Variants in GLYATL3 observed in about 807,000 individuals in gnomAD.
GLYATL3 encodes the protein glycine-N-acyltransferase like 3, also known as glycine N-acyltransferase-like protein 3.
In GLYATL3, 31 loss-of-function variants were observed where a neutral mutation model predicts 28.5. The observed-to-expected ratio is 1.09, with a 90% CI of 0.82 to 1.47. The LOEUF is 1.47. Among genes scored for constraint, GLYATL3 ranks in the 40% most tolerant of loss-of-function variants. GLYATL3 has a pLI of 0.00. For synonymous variants in GLYATL3, 141 were observed against 140.2 expected (o/e 1.01, Z -0.04); for missense variants, 369 against 351.5 (o/e 1.05, Z -0.40).
chr6:49,503,013 A>C (rs1768942051), intron 1 of GLYATL3, among the ~76,000 whole-genome samples: 1 of 152,146 alleles, frequency 6.6e-6, no homozygotes, highest in African/African-American at 2.4e-5. Flanking sequence ...CATCTTTCCT[A>C]CTAATAACAT....
intron 5 of GLYATL3, 127 bp downstream of exon 5, chr6:49,521,898 A>G: frequency 2.6e-6 from 2 of 763,926 alleles, no homozygotes; most frequent in Middle Eastern, 2.5e-4. Context: ...ATTGAGCACA[A>G]ACGGGAGTAT....
At chr6:49,503,348 A>G (rs1208152761) in intron 1 of GLYATL3, among the ~76,000 whole-genome samples, 3 of 152,210 alleles carry the variant, frequency 2.0e-5, no homozygotes, top group African/African-American at 7.2e-5. Flanking sequence ...AAACTCTCAT[A>G]CCAGTCATAT....
At chr6:49,519,057 G>A (rs1769269273) in intron 4 of GLYATL3, among the ~76,000 whole-genome samples, 1 of 152,114 alleles carries the variant, frequency 6.6e-6, no homozygotes, top group Non-Finnish European at 1.5e-5. Context: ...AATGAGACAT[G>A]ATTCTATCAC....
intron 4 of GLYATL3, among the ~76,000 whole-genome samples, chr6:49,519,222 T>C (rs960317087): frequency 6.6e-6 from 1 of 152,192 alleles, no homozygotes; most frequent in Non-Finnish European, 1.5e-5. Flanking sequence ...TCCATCATTA[T>C]ATAGAAAAAA....
At chr6:49,505,166 G>T (rs1237879927) in intron 1 of GLYATL3, among the ~76,000 whole-genome samples, 1 of 152,186 alleles carries the variant, frequency 6.6e-6, no homozygotes, top group African/African-American at 2.4e-5. Context: ...TCAACTTTAT[G>T]ATTACCACTG....
Position 49,517,441 on chromosome 6 carries a change from TA to T in GLYATL3, c.200del (p.Asn67ThrfsTer57). The T allele has an allele frequency of 6.5e-7, 1 of 1,542,854 alleles. No individual in the cohort carries two copies. Among genetic ancestry groups the T allele is most frequent in the Non-Finnish European group, 8.7e-7 (1 of 1,143,058 alleles). ...TRRQREAETD[N>X]LDHYTNAYAV... The stretch of plus-strand genomic sequence containing the variant: ...GTCTTCTGTCCTAGGCTGAGACAGA[TA>T]ACCTTGATCATTATACTAATGCCTA... On this transcript the variant is annotated frameshift_variant, in exon 4 of 6. Coordinates refer to ENST00000371197, the MANE Select transcript of GLYATL3 (RefSeq NM_001010904.2). LOFTEE classifies it high-confidence loss of function.
At chr6:49,514,566 C>A (rs970811162) in intron 2 of GLYATL3, among the ~76,000 whole-genome samples, 14 of 152,318 alleles carry the variant, frequency 9.2e-5, no homozygotes, top group African/African-American at 3.1e-4. Flanking sequence ...TATGGTGGCT[C>A]ATGCCTGTAA....
chr6:49,515,856 G>T, intron 3 of GLYATL3, 96 bp downstream of exon 3: 1 of 679,572 alleles, frequency 1.5e-6, no homozygotes, highest in South Asian at 1.6e-5. Context: ...ATTTACATTA[G>T]CTTACAACAC....
At chr6:49,519,496 A>G (rs1769278286) in intron 4 of GLYATL3, among the ~76,000 whole-genome samples, 1 of 152,188 alleles carries the variant, frequency 6.6e-6, no homozygotes, top group Admixed American at 6.5e-5. Context: ...ATACCTTCTA[A>G]GAAGTCATTG....
At chr6:49,503,554 C>A (rs1440445691) in intron 1 of GLYATL3, among the ~76,000 whole-genome samples, 1 of 152,118 alleles carries the variant, frequency 6.6e-6, no homozygotes, top group Non-Finnish European at 1.5e-5. Flanking sequence ...TCTCTGTGAC[C>A]TTGAGAGCAA....
chr6:49,509,660 G>A (rs888305657), intron 1 of GLYATL3, among the ~76,000 whole-genome samples: 1 of 152,226 alleles, frequency 6.6e-6, no homozygotes, highest in African/African-American at 2.4e-5. Flanking sequence ...TGTGAGTTAG[G>A]AAACCCAGTT....
chr6:49,518,912 G>A (rs1030640943), intron 4 of GLYATL3, among the ~76,000 whole-genome samples: 6 of 151,880 alleles, frequency 4.0e-5, no homozygotes, highest in Admixed American at 3.9e-4. Context: ...CTGCACTCCA[G>A]CCTGGGCGAC....
chr6:49,512,377 G>C (rs1260101061), intron 2 of GLYATL3, among the ~76,000 whole-genome samples: 2 of 147,678 alleles, frequency 1.4e-5, no homozygotes, highest in Non-Finnish European at 3.0e-5. Context: ...GTGGTTTGCT[G>C]CACCTATCAA....
At position 49,512,017 on chromosome 6, in the gene GLYATL3, AT is replaced by A; in HGVS notation, c.29del (p.Leu10TyrfsTer2). 6.6e-7 allele frequency: 1 copy of A among 1,505,390 alleles called. No homozygotes were observed. The highest frequency in any genetic ancestry group is 9.0e-7 in the Non-Finnish European group (1 of 1,107,916). 93.3% of individuals were successfully genotyped at this position (1,505,390 alleles called of 1,614,324 possible). A position where few individuals can be genotyped will look rare whatever the true frequency, so the allele number is the denominator to read the frequency against. ...TGTTGGTGCTAAACTGTTCTACCAA[AT>A]TACTGATACTGGAGAAAATGTTGAA... MLVLNCSTK[L>X]LILEKMLKSC... On this transcript the variant is annotated frameshift_variant, in exon 2 of 6. Coordinates refer to ENST00000371197, the MANE Select transcript of GLYATL3 (RefSeq NM_001010904.2). LOFTEE classifies it high-confidence loss of function.
chr6:49,517,676 T>A (rs1769241532), intron 4 of GLYATL3, 120 bp downstream of exon 4: 2 of 633,478 alleles, frequency 3.2e-6, no homozygotes, highest in East Asian at 6.4e-5. Flanking sequence ...CACACCTGTA[T>A]GTATAAATAC....
At position 49,499,969 on chromosome 6, in the gene GLYATL3, T is replaced by C. The variant is rs1464981310; in HGVS notation, c.-102T>C. 3 of 152,014 alleles carry C rather than the reference T, an allele frequency of 2.0e-5. No homozygotes were observed. Among genetic ancestry groups the C allele is most frequent in the African/African-American group, 4.8e-5 (2 of 41,402 alleles). The allele number at this position is 152,014 out of a possible 1,614,324, so 9.4% of individuals were successfully genotyped here. A position where few individuals can be genotyped will look rare whatever the true frequency, so the allele number is the denominator to read the frequency against. ...GAGAGGTAGCCTTGAAGAATAAACT[T>C]ACCATTTATATAAAAGGGCTACTGG... On this transcript the variant is annotated 5_prime_UTR_variant, in exon 1 of 6. Transcript: ENST00000371197.
In GLYATL3 at chr6:49,527,657, T is replaced by C. The variant is rs1769447351; in HGVS notation, c.*743T>C. The stretch of plus-strand genomic sequence containing the variant: ...TGACAATATGGGCATTTTGATGCTA[T>C]AAACAAATGCTGTCACCATAGAACT... On this transcript the variant is annotated 3_prime_UTR_variant, in exon 6 of 6. Coordinates refer to ENST00000371197, the MANE Select transcript of GLYATL3 (RefSeq NM_001010904.2). Among the ~76,000 whole-genome samples the C allele has an allele frequency of 6.6e-6, 1 of 152,206 alleles. No homozygotes were observed. The highest frequency in any genetic ancestry group is 1.5e-5 in the Non-Finnish European group (1 of 68,040).
In GLYATL3 at chr6:49,526,696, A is replaced by C; in HGVS notation, c.649A>C (p.Thr217Pro). ...GTTTGCCACCATGTGCCATGGCTACACCCTGCCAGAACATCGCAGGAAAGG... is the reference window on the plus strand; with the variant it reads ...GTTTGCCACCATGTGCCATGGCTACCCCCTGCCAGAACATCGCAGGAAAGG... ...DQFATMCHGY[T>P]LPEHRRKGYS... Residue 217 changes from threonine to proline, a missense_variant, in exon 6 of 6, where the codon ACC becomes CCC. Transcript: ENST00000371197. 6.4e-7 allele frequency: 1 copy of C among 1,551,694 alleles called. No individual in the cohort carries two copies. The highest frequency in any genetic ancestry group is 1.2e-5 in the South Asian group (1 of 84,058).
rs927650956 is a variant in GLYATL3, at chr6:49,527,746, G to T, written c.*832G>T. ...AGTCTACTTTCCCATATAAAACTAA[G>T]ATTTATATATAGGGGTGTTTGGGGG... On this transcript the variant is annotated 3_prime_UTR_variant, in exon 6 of 6. Coordinates refer to ENST00000371197, the MANE Select transcript of GLYATL3 (RefSeq NM_001010904.2). Among the ~76,000 whole-genome samples, 2 of 152,006 alleles carry T rather than the reference G, an allele frequency of 1.3e-5. No homozygotes were observed. Among genetic ancestry groups the T allele is most frequent in the Non-Finnish European group, 2.9e-5 (2 of 67,996 alleles).
Sources: gnomAD v4.1 joint callset for allele counts (sites outside exome capture counted in the v4.1 genomes callset) on GRCh38, gnomAD v4.1.1 for gene constraint, MANE v1.5 for transcripts, NCBI Gene and HGNC (gene_info 2026-07-23, HGNC 2026-07-21) for gene names.